COQ3: variants seen among roughly 807,000 people sequenced by gnomAD.
COQ3 encodes ubiquinone biosynthesis O-methyltransferase, mitochondrial.
A neutral mutation model predicts 33.1 loss-of-function variants in COQ3; 29 were observed. The ratio of observed to expected loss-of-function variants is 0.88; its 90% confidence interval spans 0.65 to 1.19. The LOEUF is 1.19. Among genes scored for constraint, COQ3 ranks in the 50% most tolerant of loss-of-function variants. The pLI is 0.00. For missense variants in COQ3, 437 were observed against 430.7 expected (o/e 1.01, Z -0.13); for synonymous variants, 173 against 157.8 (o/e 1.10, Z -0.72).
Position 99,377,382 on chromosome 6 carries a change from T to C in COQ3, c.486+4A>G. On this transcript the variant is annotated splice_donor_region_variant and intron_variant, in intron 4 of 6. Coordinates refer to ENST00000254759, the MANE Select transcript of COQ3 (RefSeq NM_017421.4). ...TTAAAAATGGCAGGAAAGCTGTCAC[T>C]TACTTCAGTTAACAGCCCACCACCA... 1.2e-6 allele frequency: 2 copies of C among 1,606,854 alleles called. No homozygotes were observed. The highest frequency in any genetic ancestry group is 1.7e-5 in the Admixed American group (1 of 59,962).
At chr6:99,379,827 T>C (rs1774415594) in intron 3 of COQ3, among the ~76,000 whole-genome samples, 1 of 151,336 alleles carries the variant, frequency 6.6e-6, no homozygotes, top group Non-Finnish European at 1.5e-5. Context: ...TGCACTCCCC[T>C]CTGGGTGACA....
At chr6:99,381,958 C>T (rs1235600805) in intron 2 of COQ3, among the ~76,000 whole-genome samples, 1 of 151,616 alleles carries the variant, frequency 6.6e-6, no homozygotes. Flanking sequence ...TTCCTTGATC[C>T]TCAAAACTGG....
intron 3 of COQ3, 143 bp from the exon 4 acceptor site, chr6:99,377,628 G>T: frequency 3.9e-6 from 2 of 518,716 alleles, no homozygotes. Context: ...TTTCAACATT[G>T]ACATTTAATT....
At chr6:99,393,210 T>G (rs1293050390) in intron 1 of COQ3, among the ~76,000 whole-genome samples, 1 of 151,746 alleles carries the variant, frequency 6.6e-6, no homozygotes, top group African/African-American at 2.4e-5. Context: ...TTTTTTTGGC[T>G]CCTTCCAGGA....
intron 1 of COQ3, among the ~76,000 whole-genome samples, chr6:99,393,460 C>A (rs1030521425): frequency 3.9e-5 from 6 of 152,082 alleles, no homozygotes; most frequent in African/African-American, 1.4e-4. Context: ...ATTCCCAGTG[C>A]TCATACCAGT....
At chr6:99,385,630 G>A (rs1025096936) in intron 1 of COQ3, among the ~76,000 whole-genome samples, 2 of 152,044 alleles carry the variant, frequency 1.3e-5, no homozygotes, top group African/African-American at 4.8e-5. Context: ...ATAGCTAAAG[G>A]AGCACTGAGA....
At position 99,369,402 on chromosome 6, in the gene COQ3, A is replaced by G. The variant is rs1774058070; in HGVS notation, c.*198T>C. On this transcript the variant is annotated 3_prime_UTR_variant, in exon 7 of 7. Transcript: ENST00000254759. ...AACTTACACTCCTAGATCACGCAATATCTTGACAAAACTTTTTATTCACAG... is the reference window on the plus strand; with the variant it reads ...AACTTACACTCCTAGATCACGCAATGTCTTGACAAAACTTTTTATTCACAG... 1.8e-6 allele frequency: 1 copy of G among 565,134 alleles called. No homozygotes were observed. The highest frequency in any genetic ancestry group is 3.1e-6 in the Non-Finnish European group (1 of 319,910). 35.0% of individuals were successfully genotyped at this position (565,134 alleles called of 1,614,324 possible). A position where few individuals can be genotyped will look rare whatever the true frequency, so the allele number is the denominator to read the frequency against.
At chr6:99,385,743 G>A (rs369919668) in intron 1 of COQ3, among the ~76,000 whole-genome samples, 49 of 151,904 alleles carry the variant, frequency 3.2e-4, no homozygotes, top group African/African-American at 1.2e-3. Flanking sequence ...TTGGGAGGCC[G>A]AGGCAGGCAG....
At chr6:99,392,609 T>C (rs1774861978) in intron 1 of COQ3, among the ~76,000 whole-genome samples, 1 of 150,220 alleles carries the variant, frequency 6.7e-6, no homozygotes, top group African/African-American at 2.4e-5. Flanking sequence ...CTCGAGCTGG[T>C]CCTTTCCCCT....
At chr6:99,390,051 T>C (rs1227370500) in intron 1 of COQ3, among the ~76,000 whole-genome samples, 1 of 151,968 alleles carries the variant, frequency 6.6e-6, no homozygotes, top group Non-Finnish European at 1.5e-5. Context: ...GAGGTGGAGA[T>C]TGCAGTGGGC....
chr6:99,389,332 C>A (rs1458492881), intron 1 of COQ3, among the ~76,000 whole-genome samples: 6 of 152,180 alleles, frequency 3.9e-5, no homozygotes, highest in Non-Finnish European at 8.8e-5. Flanking sequence ...GCCATGTTGA[C>A]CCGCCTGATC....
chr6:99,393,908 T>TG (rs1206653448), intron 1 of COQ3, among the ~76,000 whole-genome samples, 166 bp downstream of exon 1: 1 of 152,206 alleles, frequency 6.6e-6, no homozygotes, highest in East Asian at 1.9e-4. Context: ...AACGGGACTA[T>TG]GCGAGGTTTA....
At chr6:99,372,116 A>G (rs1774160102) in intron 5 of COQ3, among the ~76,000 whole-genome samples, 1 of 152,200 alleles carries the variant, frequency 6.6e-6, no homozygotes. Flanking sequence ...AAAAATATAA[A>G]GAGTGGCCGG....
chr6:99,391,495 A>G (rs906245785), intron 1 of COQ3, among the ~76,000 whole-genome samples: 1 of 152,204 alleles, frequency 6.6e-6, no homozygotes, highest in Non-Finnish European at 1.5e-5. Context: ...TAGATACATG[A>G]GATATTATTA....
chr6:99,389,031 C>T (rs1251554639), intron 1 of COQ3, among the ~76,000 whole-genome samples: 1 of 151,862 alleles, frequency 6.6e-6, no homozygotes, highest in Non-Finnish European at 1.5e-5. Flanking sequence ...AAGTTGATTT[C>T]CTGGCTTCAA....
rs1285493985 is a variant in COQ3 at position 99,375,058 on chromosome 6, C to T, written c.729+882G>A. Among the ~76,000 whole-genome samples, 33 of 151,100 alleles carry T rather than the reference C, an allele frequency of 2.2e-4. 1 individual carries two copies. The highest frequency in any genetic ancestry group is 7.8e-4 in the African/African-American group (32 of 40,842). On this transcript the variant is annotated intron_variant, in intron 5 of 6. Coordinates refer to ENST00000254759, the MANE Select transcript of COQ3 (RefSeq NM_017421.4). The stretch of plus-strand genomic sequence containing the variant: ...AATCTCGGCTCACTGCAACCTCTGC[C>T]TCCCGGGTTCAAGCAATTCTCCTGC...
At chr6:99,392,190 GAA>G (rs1774850877) in intron 1 of COQ3, among the ~76,000 whole-genome samples, 1 of 151,958 alleles carries the variant, frequency 6.6e-6, no homozygotes, top group Non-Finnish European at 1.5e-5. Flanking sequence ...TTTATTTATT[GAA>G]AAGTCATTTA....
intron 1 of COQ3, among the ~76,000 whole-genome samples, chr6:99,388,323 T>A (rs1774714753): frequency 6.6e-6 from 1 of 152,192 alleles, no homozygotes; most frequent in South Asian, 2.1e-4. Context: ...TCAAAAAAAT[T>A]CATTGTTGCA....
At chr6:99,386,504 T>A (rs1339955830) in intron 1 of COQ3, among the ~76,000 whole-genome samples, 1 of 152,000 alleles carries the variant, frequency 6.6e-6, no homozygotes, top group Non-Finnish European at 1.5e-5. Context: ...CCGGAGAAAA[T>A]ACATCAAACC....
Sources: gnomAD v4.1 joint callset for allele counts (sites outside exome capture counted in the v4.1 genomes callset) on GRCh38, gnomAD v4.1.1 for gene constraint, MANE v1.5 for transcripts, NCBI Gene and HGNC (gene_info 2026-07-23, HGNC 2026-07-21) for gene names.